The following AK9 variants were observed in gnomAD, a reference collection of about 807,000 sequenced individuals.
AK9 encodes adenylate kinase domain containing 1.
Under a neutral mutation model 239.6 loss-of-function variants are expected in AK9, and 191 were observed. The observed-to-expected ratio is 0.80, with a 90% confidence interval of 0.71 to 0.90. The LOEUF is 0.90. AK9 is among the 40% of genes least tolerant of loss of function. The pLI is 0.00. For missense variants in AK9, 1,995 were observed against 2,214.7 expected, an observed-to-expected ratio of 0.90 and a Z score of 1.99; for synonymous variants, 689 against 721.0, an observed-to-expected ratio of 0.96 and a Z score of 0.71.
chr6:109,684,760 G>C (rs1773224362), intron 1 of AK9, among the ~76,000 whole-genome samples: 1 of 141,368 alleles, frequency 7.1e-6, no homozygotes, highest in Non-Finnish European at 1.5e-5. Flanking sequence ...TGTAGTCCCA[G>C]CTACTTGGGA....
chr6:109,627,993 G>A (rs946621678), intron 12 of AK9, among the ~76,000 whole-genome samples: 1 of 152,154 alleles, frequency 6.6e-6, no homozygotes, highest in Non-Finnish European at 1.5e-5. Flanking sequence ...AAGCCCCCAA[G>A]TATTTCCCAA....
chr6:109,604,969 C>T (rs187828539), intron 17 of AK9, among the ~76,000 whole-genome samples: 148 of 147,190 alleles, frequency 1.0e-3, no homozygotes, highest in Non-Finnish European at 1.7e-3. Flanking sequence ...TTTTGGCTAC[C>T]TTATTTCTAA....
intron 12 of AK9, among the ~76,000 whole-genome samples, chr6:109,629,718 C>CGCCT (rs1562518067): frequency 6.6e-6 from 1 of 151,780 alleles, no homozygotes; most frequent in Admixed American, 6.6e-5. Context: ...CTGCAAGCTC[C>CGCCT]GCCTCCCGGG....
In AK9 at chr6:109,645,504, C is replaced by A. The variant is rs377756517; in HGVS notation, c.760-816G>T. Among the ~76,000 whole-genome samples, 3 of 152,320 alleles carry A rather than the reference C, an allele frequency of 2.0e-5. No homozygotes were observed. In the South Asian group the frequency reaches 6.2e-4, roughly 32 times the overall value. On this transcript the variant is annotated intron_variant, in intron 8 of 40. Transcript: ENST00000424296. The stretch of plus-strand genomic sequence containing the variant: ...ACTGCGAGGCAGCAGCCAGGCTGGG[C>A]GAGGGGCATCCGCCATTGCTGAGGC...
intron 21 of AK9, among the ~76,000 whole-genome samples, chr6:109,572,685 C>T (rs1469973193): frequency 1.3e-5 from 2 of 152,200 alleles, no homozygotes; most frequent in African/African-American, 4.8e-5. Context: ...CTTTTATAAG[C>T]TCACAGCAGT....
chr6:109,671,749 G>T (rs545396567), intron 5 of AK9, among the ~76,000 whole-genome samples, 170 bp downstream of exon 5: 5 of 152,218 alleles, frequency 3.3e-5, no homozygotes, highest in South Asian at 2.1e-4. Flanking sequence ...TACAATCTGA[G>T]AAATAAAAAC....
chr6:109,586,128 A>T, intron 17 of AK9, 56 bp from the exon 18 acceptor site: 1 of 1,322,840 alleles, frequency 7.6e-7, no homozygotes, highest in Non-Finnish European at 1.0e-6. Context: ...CAAGGATGCA[A>T]CCTTGATATG....
chr6:109,625,739 G>T (rs1795451787), intron 12 of AK9, among the ~76,000 whole-genome samples: 1 of 152,184 alleles, frequency 6.6e-6, no homozygotes, highest in African/African-American at 2.4e-5. Context: ...TGCCAAAAAG[G>T]TTGGGGACTG....
intron 17 of AK9, among the ~76,000 whole-genome samples, chr6:109,604,063 C>T (rs545887767): frequency 3.3e-5 from 5 of 151,928 alleles, no homozygotes; most frequent in Admixed American, 6.5e-5. Context: ...ATGCTCGGTG[C>T]ACTGCCCCCA....
At chr6:109,600,715 T>C (rs1017299329) in intron 17 of AK9, among the ~76,000 whole-genome samples, 1 of 152,216 alleles carries the variant, frequency 6.6e-6, no homozygotes, top group Non-Finnish European at 1.5e-5. Context: ...TCCTGGACTT[T>C]TTTTAGTTGG....
At chr6:109,690,116 A>G (rs952250626) in intron 1 of AK9, among the ~76,000 whole-genome samples, 2 of 152,152 alleles carry the variant, frequency 1.3e-5, no homozygotes, top group Non-Finnish European at 1.5e-5. Flanking sequence ...GGTATGCTAT[A>G]ATTCTATAAT....
At chr6:109,506,864 T>C in intron 33 of AK9, 64 bp from the exon 34 acceptor site, 1 of 1,441,808 alleles carries the variant, frequency 6.9e-7, no homozygotes, top group East Asian at 2.5e-5. Context: ...TTCCTTTCTG[T>C]CTTCCAGAAC....
chr6:109,494,094 C>A lies in AK9; in HGVS notation c.5420G>T (p.Gly1807Val). 6.2e-7 allele frequency: 1 copy of A among 1,608,668 alleles called. No homozygotes were observed. The highest frequency in any genetic ancestry group is 8.5e-7 in the Non-Finnish European group (1 of 1,175,656). Residue 1807 changes from glycine to valine, a missense_variant and splice_region_variant, in exon 40 of 41, where the codon GGT becomes GTT. Around this residue, in one of 5 missense-constraint regions of AK9, gnomAD observed 391 missense variants for 456.0 expected, o/e 0.86. Transcript: ENST00000424296. ...TGCTTTAATTAGAGAAGTTGCAATA[C>A]CCTGCAGGGAGGGAACAATTCAAAT... ...SLPLPGYLEQ[G>V]IATSLIKAMN...
intron 17 of AK9, among the ~76,000 whole-genome samples, chr6:109,586,972 TCTG>T (rs1789581419): frequency 6.6e-6 from 1 of 152,122 alleles, no homozygotes; most frequent in Admixed American, 6.5e-5. Flanking sequence ...TTTAAAATTA[TCTG>T]CTTTTTGATT....
At chr6:109,555,977 C>T (rs1784970260) in intron 24 of AK9, among the ~76,000 whole-genome samples, 1 of 152,098 alleles carries the variant, frequency 6.6e-6, no homozygotes, top group African/African-American at 2.4e-5. Flanking sequence ...CCATTCTGTA[C>T]ATTTGAATTG....
chr6:109,589,844 T>A (rs764452529), intron 17 of AK9, among the ~76,000 whole-genome samples: 7 of 152,200 alleles, frequency 4.6e-5, no homozygotes, highest in Admixed American at 6.5e-5. Flanking sequence ...TGTTTTTAAT[T>A]CTGTTTATGT....
At chr6:109,497,216 A>G (rs561455863) in intron 38 of AK9, among the ~76,000 whole-genome samples, 27 of 151,878 alleles carry the variant, frequency 1.8e-4, no homozygotes, top group African/African-American at 6.3e-4. Context: ...ACACTCTCTC[A>G]GAAGTCCAGG....
chr6:109,493,596 G>A (rs760305284), intron 40 of AK9, 25 bp from the exon 41 acceptor site: 1 of 1,585,174 alleles, frequency 6.3e-7, no homozygotes, highest in Non-Finnish European at 8.6e-7. Flanking sequence ...ACAGAACTGT[G>A]AATAATTTCT....
chr6:109,667,498 A>C (rs1801381275), intron 5 of AK9, among the ~76,000 whole-genome samples: 1 of 151,956 alleles, frequency 6.6e-6, no homozygotes, highest in African/African-American at 2.4e-5. Flanking sequence ...GGTGTGCTGC[A>C]CCCATTAACT....
Sources: gnomAD v4.1 joint callset for allele counts (sites outside exome capture counted in the v4.1 genomes callset) on GRCh38, gnomAD v4.1.1 for gene constraint, gnomAD v4.1.1 regional missense constraint, MANE v1.5 for transcripts, NCBI Gene and HGNC (gene_info 2026-07-23, HGNC 2026-07-21) for gene names.